Variants in STK32B observed in about 807,000 individuals in gnomAD.
The protein encoded by STK32B is serine/threonine-protein kinase 32B.
A neutral mutation model predicts 52.6 loss-of-function variants in STK32B; 43 were observed. The observed-to-expected ratio is 0.82, with a 90% CI of 0.64 to 1.05. The LOEUF is 1.05. STK32B is among the 50% of genes least tolerant of loss of function. STK32B has a pLI of 0.00. For missense variants in STK32B, 621 were observed against 534.6 expected, an observed-to-expected ratio of 1.16 and a Z score of -1.59; for synonymous variants, 238 against 204.3, an observed-to-expected ratio of 1.17 and a Z score of -1.41.
chr4:5,278,944 G>T (rs1342448705), intron 3 of STK32B, among the ~76,000 whole-genome samples: 1 of 152,054 alleles, frequency 6.6e-6, no homozygotes, highest in African/African-American at 2.4e-5. Context: ...AAGGAAATCT[G>T]CCCCCATGAT....
chr4:5,191,860 C>T (rs1483190331), intron 3 of STK32B, among the ~76,000 whole-genome samples: 1 of 152,190 alleles, frequency 6.6e-6, no homozygotes, highest in African/African-American at 2.4e-5. Flanking sequence ...GAAAAATGTC[C>T]TATTCCAAAT....
intron 4 of STK32B, chr4:5,345,531 C>T (rs1733395245): frequency 6.6e-6 from 1 of 152,188 alleles, no homozygotes; most frequent in Non-Finnish European, 1.5e-5. Flanking sequence ...TGATAACCAA[C>T]ATTTCTGAGC....
the STK32B span, among the ~76,000 whole-genome samples, chr4:5,021,015 AAAC>A: frequency 2.6e-5 from 4 of 152,144 alleles, no homozygotes; most frequent in Admixed American, 6.5e-5. Context: ...TCCCAGAACA[AAAC>A]AACCAAAGAT....
chr4:5,472,377 G>T (rs1265588064), intron 11 of STK32B, among the ~76,000 whole-genome samples: 2 of 152,170 alleles, frequency 1.3e-5, no homozygotes, highest in African/African-American at 4.8e-5. Context: ...TAAAATTAGC[G>T]CTGCCTACTT....
chr4:5,267,785 C>G (rs532036526), intron 3 of STK32B, among the ~76,000 whole-genome samples: 1 of 152,304 alleles, frequency 6.6e-6, no homozygotes, highest in South Asian at 2.1e-4. Context: ...TGGCAACCCA[C>G]TCTAAAGAGA....
intron 1 of STK32B, among the ~76,000 whole-genome samples, chr4:5,072,498 C>G (rs150825839): frequency 1.2e-3 from 177 of 152,244 alleles, no homozygotes; most frequent in African/African-American, 3.9e-3. Context: ...CATGTCCCTT[C>G]ACTCTCATCT....
At chr4:5,027,755 T>C in the STK32B span, among the ~76,000 whole-genome samples, 1 of 152,180 alleles carries the variant, frequency 6.6e-6, no homozygotes, top group African/African-American at 2.4e-5. Flanking sequence ...TCAGTGTCTC[T>C]ACCTGGTGTT....
chr4:5,316,562 A>T (rs866659466), intron 3 of STK32B, among the ~76,000 whole-genome samples: 1 of 1,180 alleles, frequency 8.5e-4, no homozygotes, highest in South Asian at 0.045. Context: ...ATAATATATA[A>T]TATATATTAC....
intron 6 of STK32B, among the ~76,000 whole-genome samples, chr4:5,425,619 C>T (rs1713027978): frequency 6.6e-6 from 1 of 152,176 alleles, no homozygotes; most frequent in Non-Finnish European, 1.5e-5. Flanking sequence ...TAAAAATCAC[C>T]AAACTGATAA....
At chr4:5,488,911 A>T (rs552663414) in intron 11 of STK32B, among the ~76,000 whole-genome samples, 58 of 152,052 alleles carry the variant, frequency 3.8e-4, no homozygotes, top group Non-Finnish European at 2.9e-4. Flanking sequence ...AATATATTTT[A>T]TGTCTGTCTT....
chr4:5,230,758 T>C (rs796532529), intron 3 of STK32B, among the ~76,000 whole-genome samples: 2 of 152,300 alleles, frequency 1.3e-5, no homozygotes, highest in African/African-American at 4.8e-5. Context: ...GATGCTGGCA[T>C]AGAGCACTCA....
At chr4:5,221,757 G>A (rs2108797018) in intron 3 of STK32B, among the ~76,000 whole-genome samples, 1 of 150,874 alleles carries the variant, frequency 6.6e-6, no homozygotes, top group South Asian at 2.1e-4. Context: ...TCAGGAGACT[G>A]AGGCAGGAGA....
intron 1 of STK32B, among the ~76,000 whole-genome samples, chr4:5,067,024 C>T (rs1481103818): frequency 1.3e-5 from 2 of 152,176 alleles, no homozygotes; most frequent in Non-Finnish European, 2.9e-5. Context: ...CTGATAAAGA[C>T]ATACCTGAGA....
intron 1 of STK32B, among the ~76,000 whole-genome samples, chr4:5,125,661 G>A (rs542415199): frequency 1.6e-3 from 251 of 152,300 alleles, no homozygotes; most frequent in Middle Eastern, 3.4e-3. Context: ...GGTCATCTGG[G>A]ACACGTCTCC....
intron 3 of STK32B, among the ~76,000 whole-genome samples, chr4:5,227,961 G>A (rs1313239940): frequency 1.3e-5 from 2 of 152,056 alleles, no homozygotes; most frequent in Non-Finnish European, 2.9e-5. Flanking sequence ...CACAGTATCT[G>A]GGAGAACATT....
intron 4 of STK32B, among the ~76,000 whole-genome samples, chr4:5,397,224 T>G (rs1246566099): frequency 6.6e-6 from 1 of 152,218 alleles, no homozygotes; most frequent in East Asian, 1.9e-4. Flanking sequence ...GAGTGAAAAT[T>G]TATGCATTTG....
intron 3 of STK32B, among the ~76,000 whole-genome samples, chr4:5,229,977 CTA>C (rs1028345843): frequency 6.6e-6 from 1 of 151,696 alleles, no homozygotes; most frequent in African/African-American, 2.4e-5. Context: ...TGCCCCAAAC[CTA>C]CTACTTTATC....
At chr4:5,138,508 A>G (rs1349109682) in intron 1 of STK32B, among the ~76,000 whole-genome samples, 1 of 152,146 alleles carries the variant, frequency 6.6e-6, no homozygotes, top group Non-Finnish European at 1.5e-5. Flanking sequence ...TGGCACTATG[A>G]ATATGGAGAT....
Position 5,378,955 on chromosome 4 carries a change from A to C in STK32B, c.435-19252A>C, listed in dbSNP as rs1237891068. On this transcript the variant is annotated intron_variant, in intron 4 of 11. Coordinates refer to ENST00000282908, the MANE Select transcript of STK32B (RefSeq NM_018401.3). The surrounding 1 kb of genome is among the most constrained non-coding windows in gnomAD (Gnocchi z 4.4). ...TGTGAGACCCCAGGAGATGGCTGAC[A>C]AAAAGCTCTGTGGAGAGAGGTCAGG... Among the ~76,000 whole-genome samples, 3 of 152,152 alleles carry C rather than the reference A, an allele frequency of 2.0e-5. No individual in the cohort carries two copies. The East Asian group carries it at 5.8e-4, about 29-fold the overall frequency.
Sources: gnomAD v4.1 joint callset for allele counts (sites outside exome capture counted in the v4.1 genomes callset) on GRCh38, gnomAD v4.1.1 for gene constraint, Gnocchi (gnomAD v3.1) non-coding constraint, MANE v1.5 for transcripts, NCBI Gene and HGNC (gene_info 2026-07-23, HGNC 2026-07-21) for gene names.